The following ARHGAP31 variants were observed in gnomAD, a reference collection of about 807,000 sequenced individuals.
The protein encoded by ARHGAP31 is rho GTPase-activating protein 31.
In ARHGAP31, 34 loss-of-function variants were observed where a neutral mutation model predicts 113.9. The ratio of observed to expected loss-of-function variants is 0.30; its 90% CI spans 0.23 to 0.40. The LOEUF is 0.40. Ranked by LOEUF, ARHGAP31 falls within the 10% of genes least tolerant of loss-of-function variation. ARHGAP31 has a pLI of 1.00. For missense variants in ARHGAP31, 1,548 were observed against 1,767.1 expected, an observed-to-expected ratio of 0.88 and a Z score of 2.22; for synonymous variants, 650 against 684.8, an observed-to-expected ratio of 0.95 and a Z score of 0.79.
chr3:119,296,481 A>G (rs1197361405), intron 1 of ARHGAP31, among the ~76,000 whole-genome samples: 1 of 152,102 alleles, frequency 6.6e-6, no homozygotes, highest in South Asian at 2.1e-4. Flanking sequence ...CTCTTCACCT[A>G]TTTTTGCAGG....
intron 1 of ARHGAP31, among the ~76,000 whole-genome samples, chr3:119,296,885 C>T (rs1025955371): frequency 6.6e-6 from 1 of 152,200 alleles, no homozygotes; most frequent in Non-Finnish European, 1.5e-5. Flanking sequence ...CATGAAGGAT[C>T]GGAGGGCCCT....
At chr3:119,334,623 A>G (rs1223150235) in intron 1 of ARHGAP31, among the ~76,000 whole-genome samples, 1 of 152,212 alleles carries the variant, frequency 6.6e-6, no homozygotes, top group Admixed American at 6.5e-5. Context: ...TCTGCATGAT[A>G]GGAATAAACA....
intron 1 of ARHGAP31, among the ~76,000 whole-genome samples, chr3:119,331,158 G>T (rs79208439): frequency 0.017 from 2,626 of 152,234 alleles, 33 homozygotes; most frequent in East Asian, 0.058. Flanking sequence ...GGGGTGCTTG[G>T]CTAAGACCAT....
chr3:119,401,835 G>T lies in ARHGAP31; in HGVS notation c.1083G>T (p.Lys361Asn). 6.2e-7 allele frequency: 1 copy of T among 1,613,940 alleles called. No individual in the cohort carries two copies. Among genetic ancestry groups the T allele is most frequent in the Non-Finnish European group, 8.5e-7 (1 of 1,180,018 alleles). Residue 361 changes from lysine to asparagine, a missense_variant, in exon 10 of 12, where the codon AAG becomes AAT. Lys to Asn is a moderately conservative substitution (Grantham distance 94). Coordinates refer to ENST00000264245, the MANE Select transcript of ARHGAP31 (RefSeq NM_020754.4). Reference protein sequence around the residue: ...CSVPVEGKETKGNFNRTVTTG... With the variant: ...CSVPVEGKETNGNFNRTVTTG... The stretch of plus-strand genomic sequence containing the variant: ...CCTTTTTACTAGGAAAAGAAACCAA[G>T]GGAAATTTCAATCGAACAGTTACCA...
At chr3:119,334,142 C>G (rs2079920751) in intron 1 of ARHGAP31, among the ~76,000 whole-genome samples, 1 of 152,188 alleles carries the variant, frequency 6.6e-6, no homozygotes. Flanking sequence ...AGTGAGACCT[C>G]TTGCCCTTCC....
chr3:119,329,988 T>G (rs2079877248), intron 1 of ARHGAP31: 1 of 985,242 alleles, frequency 1.0e-6, no homozygotes, highest in Non-Finnish European at 1.2e-6. Context: ...CTATGCGGGG[T>G]GAGTTTCCAC....
intron 6 of ARHGAP31, among the ~76,000 whole-genome samples, chr3:119,387,155 C>T (rs1455640365): frequency 6.6e-6 from 1 of 152,190 alleles, no homozygotes; most frequent in Non-Finnish European, 1.5e-5. Flanking sequence ...TGTTCCTTGA[C>T]ACCTTTTGCT....
intron 10 of ARHGAP31, among the ~76,000 whole-genome samples, chr3:119,406,228 TC>T (rs1224637805): frequency 3.3e-5 from 5 of 152,124 alleles, no homozygotes; most frequent in Non-Finnish European, 2.9e-5. Context: ...CACGGGCCCT[TC>T]CTTCACACCT....
At chr3:119,358,641 T>C (rs541253408) in intron 1 of ARHGAP31, among the ~76,000 whole-genome samples, 1 of 152,336 alleles carries the variant, frequency 6.6e-6, no homozygotes, top group Admixed American at 6.5e-5. Context: ...AAGGCTTTAT[T>C]TGGAATTTTA....
intron 1 of ARHGAP31, among the ~76,000 whole-genome samples, chr3:119,328,768 G>A (rs2079867649): frequency 6.6e-6 from 1 of 152,104 alleles, no homozygotes; most frequent in South Asian, 2.1e-4. Context: ...AGCCTCTGGA[G>A]TAGCTGGGAC....
Position 119,414,125 on chromosome 3 carries a change from A to G in ARHGAP31, c.2196A>G (p.Thr732=). ...PANQSTQGAS[T]AASREKPEPE... ...ATCAGAGCACACAGGGGGCTTCCAC[A>G]GCAGCCAGCAGAGAGAAGCCGGAAC... Residue 732 remains threonine, a synonymous_variant, in exon 12 of 12, where the codon ACA becomes ACG. Coordinates refer to ENST00000264245, the MANE Select transcript of ARHGAP31 (RefSeq NM_020754.4). 6.2e-7 allele frequency: 1 copy of G among 1,614,192 alleles called. No homozygotes were observed. The highest frequency in any genetic ancestry group is 1.1e-5 in the South Asian group (1 of 91,086).
intron 1 of ARHGAP31, among the ~76,000 whole-genome samples, chr3:119,303,529 A>G (rs1349513479): frequency 6.6e-6 from 1 of 152,138 alleles, no homozygotes; most frequent in African/African-American, 2.4e-5. Flanking sequence ...AGGCCCTGGT[A>G]CCACGCCCAT....
intron 1 of ARHGAP31, among the ~76,000 whole-genome samples, chr3:119,326,574 T>C (rs1333300075): frequency 6.6e-6 from 1 of 152,226 alleles, no homozygotes; most frequent in Admixed American, 6.5e-5. Context: ...TGGTCCAGTA[T>C]AACTGATGGG....
chr3:119,374,750 C>T (rs189606464), intron 3 of ARHGAP31, among the ~76,000 whole-genome samples: 29 of 152,306 alleles, frequency 1.9e-4, no homozygotes, highest in African/African-American at 6.7e-4. Flanking sequence ...TTTCCCAAGG[C>T]CTCCTAGCCA....
chr3:119,338,287 C>T (rs868210187), intron 1 of ARHGAP31, among the ~76,000 whole-genome samples: 1 of 152,124 alleles, frequency 6.6e-6, no homozygotes, highest in Non-Finnish European at 1.5e-5. Context: ...CCCATGTCCA[C>T]GTAACACATG....
chr3:119,379,950 T>C (rs1435848446), intron 3 of ARHGAP31, among the ~76,000 whole-genome samples: 1 of 152,156 alleles, frequency 6.6e-6, no homozygotes, highest in Non-Finnish European at 1.5e-5. Flanking sequence ...GGACAGATTC[T>C]CAGAACATGG....
chr3:119,303,932 T>C (rs1356294966), intron 1 of ARHGAP31, among the ~76,000 whole-genome samples: 1 of 151,968 alleles, frequency 6.6e-6, no homozygotes, highest in East Asian at 1.9e-4. Flanking sequence ...GTAACTGGGA[T>C]TACAGGCACC....
chr3:119,371,571 A>G (rs1425612814), intron 3 of ARHGAP31, among the ~76,000 whole-genome samples: 1 of 152,216 alleles, frequency 6.6e-6, no homozygotes, highest in Non-Finnish European at 1.5e-5. Flanking sequence ...ACGGGTATGG[A>G]AATAGCTCTG....
chr3:119,393,279 T>G (rs2080521168), intron 7 of ARHGAP31, among the ~76,000 whole-genome samples, 188 bp from the exon 8 acceptor site: 1 of 152,194 alleles, frequency 6.6e-6, no homozygotes, highest in Admixed American at 6.5e-5. Flanking sequence ...ATGAAAGCCT[T>G]GCTTGGTCAC....
Sources: allele counts gnomAD v4.1 joint callset (sites outside exome capture counted in the v4.1 genomes callset), GRCh38; gene constraint gnomAD v4.1.1; transcripts MANE v1.5; gene names NCBI Gene and HGNC (gene_info 2026-07-23, HGNC 2026-07-21).